Variants in DROSHA observed in about 807,000 individuals in gnomAD.
DROSHA encodes drosha ribonuclease III.
In DROSHA, 56 loss-of-function variants were observed where a neutral mutation model predicts 181.9. The ratio of observed to expected loss-of-function variants is 0.31; its 90% CI spans 0.25 to 0.38. The LOEUF (loss-of-function observed/expected upper bound fraction) is 0.38, where lower values mean the gene tolerates loss of function less well. Among genes scored for constraint, DROSHA ranks in the 10% least tolerant of loss-of-function variants. DROSHA has a pLI of 1.00. For missense variants in DROSHA, 1,218 were observed against 1,743.5 expected (o/e 0.70, Z 5.37); for synonymous variants, 524 against 591.2 (o/e 0.89, Z 1.65).
intron 27 of DROSHA, among the ~76,000 whole-genome samples, chr5:31,427,100 G>A (rs1290279122): frequency 6.6e-6 from 1 of 152,096 alleles, no homozygotes; most frequent in Non-Finnish European, 1.5e-5. Flanking sequence ...GTTGAAATGA[G>A]GTATCTGTGA....
intron 6 of DROSHA, among the ~76,000 whole-genome samples, chr5:31,518,576 C>T (rs778911739): frequency 1.3e-5 from 2 of 152,204 alleles, no homozygotes; most frequent in Admixed American, 6.5e-5. Flanking sequence ...ATAACGGCAA[C>T]TCTTAGCTCC....
At chr5:31,437,350 C>T in intron 23 of DROSHA, 52 bp from the exon 24 acceptor site, 2 of 1,168,864 alleles carry the variant, frequency 1.7e-6, no homozygotes, top group Admixed American at 2.7e-5. Context: ...ACACTCCCCC[C>T]CACCCACCCA....
Position 31,521,212 on chromosome 5 carries a change from C to A in DROSHA, c.858G>T (p.Glu286Asp). ...GATGCCTGTGTCTCTCCCGTTCTCG[C>A]TCTCTTAAAGGAATTAATACACAGA... ...SRHRSYERSR[E>D]RERERHRHRD... The change falls in exon 6 of 36, where the codon GAG (glutamate) becomes GAT (aspartate). Residue 286 changes from glutamate (E) to aspartate (D), a missense_variant. Glu to Asp is a conservative substitution (Grantham distance 45, BLOSUM62 2). Transcript: ENST00000344624. The A allele has an allele frequency of 6.2e-7, 1 of 1,613,624 alleles. No homozygotes were observed. The highest frequency in any genetic ancestry group is 8.5e-7 in the Non-Finnish European group (1 of 1,179,614).
chr5:31,468,015 G>C lies in DROSHA; in HGVS notation c.2290C>G (p.Pro764Ala). ...IDQLDREQFN[P>A]DVITFPIIVH... ...ATAATCGGAAAAGTAATCACATCGGGGTTGAACTGTTCACGATCCAGTTGA... is the reference window on the plus strand; with the variant it reads ...ATAATCGGAAAAGTAATCACATCGGCGTTGAACTGTTCACGATCCAGTTGA... Residue 764 changes from proline to alanine, a missense_variant, in exon 18 of 36, where the codon CCC (proline) becomes GCC (alanine). Coordinates refer to ENST00000344624, the MANE Select transcript of DROSHA (RefSeq NM_001382508.1). The C allele has an allele frequency of 6.2e-7, 1 of 1,611,938 alleles. No individual in the cohort carries two copies. The highest frequency in any genetic ancestry group is 2.2e-5 in the East Asian group (1 of 44,824).
At chr5:31,515,795 T>C (rs1739212692) in intron 6 of DROSHA, among the ~76,000 whole-genome samples, 1 of 152,236 alleles carries the variant, frequency 6.6e-6, no homozygotes, top group African/African-American at 2.4e-5. Flanking sequence ...AACCCCAGTC[T>C]TGGGCATTAC....
intron 33 of DROSHA, 177 bp downstream of exon 33, chr5:31,408,879 G>A (rs1453047283): frequency 1.7e-6 from 1 of 578,022 alleles, no homozygotes; most frequent in Non-Finnish European, 3.1e-6. Flanking sequence ...TTACAGCTAA[G>A]AGTGAGAGCC....
intron 26 of DROSHA, among the ~76,000 whole-genome samples, chr5:31,430,512 A>AT (rs970314131): frequency 3.3e-5 from 5 of 152,224 alleles, no homozygotes; most frequent in Non-Finnish European, 7.3e-5. Flanking sequence ...AAGGTAAGTG[A>AT]TACTATCTCC....
At chr5:31,440,019 G>A (rs1745379829) in intron 23 of DROSHA, among the ~76,000 whole-genome samples, 1 of 152,048 alleles carries the variant, frequency 6.6e-6, no homozygotes, top group Non-Finnish European at 1.5e-5. Flanking sequence ...CAACCCATCT[G>A]GCTTTCAAGG....
At position 31,425,069 on chromosome 5, in the gene DROSHA, A is replaced by G. The variant is rs1743308334; in HGVS notation, c.3217-598T>C. Among the ~76,000 whole-genome samples the G allele has an allele frequency of 2.0e-5, 3 of 152,176 alleles. No individual in the cohort carries two copies. In the South Asian group the frequency reaches 6.2e-4, roughly 31 times the overall value. On this transcript the variant is annotated intron_variant, in intron 27 of 35. Transcript: ENST00000344624. The stretch of plus-strand genomic sequence containing the variant: ...CACTGACTTAAATCTAGAGGTTATA[A>G]TGAGAACTTCCTCAGGACTAAAGTG...
At chr5:31,478,886 A>G (rs1223072483) in intron 16 of DROSHA, among the ~76,000 whole-genome samples, 2 of 152,248 alleles carry the variant, frequency 1.3e-5, no homozygotes, top group African/African-American at 4.8e-5. Flanking sequence ...TAAAATGTAC[A>G]TACTATCTTA....
At chr5:31,410,404 T>C (rs1200992854) in intron 31 of DROSHA, among the ~76,000 whole-genome samples, 2 of 152,192 alleles carry the variant, frequency 1.3e-5, no homozygotes, top group Non-Finnish European at 2.9e-5. Flanking sequence ...TGTGCCCCTA[T>C]ATGAAGGCTG....
At position 31,515,098 on chromosome 5, in the gene DROSHA, C is replaced by T. The variant is rs199515305; in HGVS notation, c.1180G>A (p.Glu394Lys). ...YTSIKEKEPE[E>K]TMPDKNEEEE... ...TCCTCATTCTTGTCAGGCATGGTCTCCTCGGGCTCTTTTTCCTTGATTGAG... is the reference window on the plus strand; with the variant it reads ...TCCTCATTCTTGTCAGGCATGGTCTTCTCGGGCTCTTTTTCCTTGATTGAG... The change falls in exon 8 of 36, where the codon GAG (glutamate) becomes AAG (lysine). Residue 394 changes from glutamate (E) to lysine (K), a missense_variant. Physicochemically the swap from Glu to Lys is moderately conservative, Grantham distance 56 (BLOSUM62 1). Coordinates refer to ENST00000344624, the MANE Select transcript of DROSHA (RefSeq NM_001382508.1). The T allele has an allele frequency of 6.2e-7, 1 of 1,613,880 alleles. No homozygotes were observed. Among genetic ancestry groups the T allele is most frequent in the Non-Finnish European group, 8.5e-7 (1 of 1,179,902 alleles).
intron 5 of DROSHA, among the ~76,000 whole-genome samples, chr5:31,524,433 T>C (rs1740285474): frequency 6.6e-6 from 1 of 152,170 alleles, no homozygotes; most frequent in African/African-American, 2.4e-5. Context: ...CAAACACTTT[T>C]AGCACAAAAG....
intron 35 of DROSHA, among the ~76,000 whole-genome samples, chr5:31,403,787 A>G (rs1285271218): frequency 6.6e-6 from 1 of 152,216 alleles, no homozygotes; most frequent in Non-Finnish European, 1.5e-5. Flanking sequence ...GGGAAGTCTA[A>G]AATGCCTACT....
Position 31,431,566 on chromosome 5 carries a change from G to C in DROSHA, c.3145+10C>G. On this transcript the variant is annotated intron_variant, in intron 26 of 35. Coordinates refer to ENST00000344624, the MANE Select transcript of DROSHA (RefSeq NM_001382508.1). Reference sequence around the variant, plus strand: ...AAGAAAGTAGACTTCTTGAAGAAGAGAGAAATTACCTATTAACGCTTCAAA... The same window carrying C: ...AAGAAAGTAGACTTCTTGAAGAAGACAGAAATTACCTATTAACGCTTCAAA... 6.2e-7 allele frequency: 1 copy of C among 1,613,268 alleles called. No individual in the cohort carries two copies. The highest frequency in any genetic ancestry group is 8.5e-7 in the Non-Finnish European group (1 of 1,179,328).
Position 31,422,860 on chromosome 5 carries a change from C to T in DROSHA, c.3346G>A (p.Val1116Ile). 1 of 1,613,472 alleles carries T rather than the reference C, an allele frequency of 6.2e-7. No individual in the cohort carries two copies. Among genetic ancestry groups the T allele is most frequent in the Non-Finnish European group, 8.5e-7 (1 of 1,179,716 alleles). ...KLTEFEEAIG[V>I]IFTHVRLLAR... ...AGAAGTCGAACATGAGTAAAAATTA[C>T]TCCAATTGCTTCTTCAAACTCAGTA... The change falls in exon 29 of 36, where the codon GTA becomes ATA. Residue 1116 changes from valine (V) to isoleucine (I), a missense_variant. By Grantham distance (29) the Val-to-Ile change is conservative (BLOSUM62 3). Coordinates refer to ENST00000344624, the MANE Select transcript of DROSHA (RefSeq NM_001382508.1).
At position 31,409,371 on chromosome 5, in the gene DROSHA, C is replaced by A; in HGVS notation, c.3668-39G>T. 6.5e-7 allele frequency: 1 copy of A among 1,543,526 alleles called. No homozygotes were observed. Among genetic ancestry groups the A allele is most frequent in the Non-Finnish European group, 8.8e-7 (1 of 1,140,586 alleles). On this transcript the variant is annotated intron_variant, in intron 31 of 35. Coordinates refer to ENST00000344624, the MANE Select transcript of DROSHA (RefSeq NM_001382508.1). The surrounding 1 kb of genome is among the most constrained non-coding windows in gnomAD (Gnocchi z 4.0). Reference sequence around the variant, plus strand: ...AATACTTTAAAATAAACCACAATCACTGCCATCTATCAGAAAGAGTAAGAG... The same window carrying A: ...AATACTTTAAAATAAACCACAATCAATGCCATCTATCAGAAAGAGTAAGAG...
rs772594418 is a variant in DROSHA at position 31,526,758 on chromosome 5, G to A, written c.175C>T (p.Pro59Ser). Reference protein sequence around the residue: ...VQYQYEPPSAPSTTFSNSPAP... With the variant: ...VQYQYEPPSASSTTFSNSPAP... ...GGAGAGTTTGAGAAAGTGGTGGAAG[G>A]GGCACTTGGAGGTTCATATTGATAT... Residue 59 changes from proline (P) to serine (S), a missense_variant, in exon 5 of 36, where the codon CCT becomes TCT. This residue lies in a region of DROSHA where 536 missense variants were observed against 535.4 expected (regional missense o/e 1.00). Coordinates refer to ENST00000344624, the MANE Select transcript of DROSHA (RefSeq NM_001382508.1). 5.0e-6 allele frequency: 8 copies of A among 1,593,554 alleles called. No individual in the cohort carries two copies. The South Asian group carries it at 7.9e-5, about 16-fold the overall frequency.
intron 27 of DROSHA, among the ~76,000 whole-genome samples, chr5:31,427,805 G>A (rs1040133874): frequency 8.5e-5 from 13 of 152,168 alleles, no homozygotes; most frequent in African/African-American, 2.9e-4. Context: ...CAAAAAAGAA[G>A]TACATTGGTT....
Sources: allele counts gnomAD v4.1 joint callset (sites outside exome capture counted in the v4.1 genomes callset), GRCh38; gene constraint gnomAD v4.1.1; regional missense constraint gnomAD v4.1.1; non-coding constraint Gnocchi (gnomAD v3.1); transcripts MANE v1.5; gene names NCBI Gene and HGNC (gene_info 2026-07-23, HGNC 2026-07-21).